Variants in TSHZ2 observed in about 807,000 individuals in gnomAD.
TSHZ2 encodes teashirt zinc finger homeobox 2, also known as teashirt homolog 2.
TSHZ2 carries 21 observed loss-of-function variants against 74.4 expected under a neutral mutation model. The ratio of observed to expected loss-of-function variants is 0.28; its 90% CI spans 0.20 to 0.41. The LOEUF (loss-of-function observed/expected upper bound fraction) is 0.41. Ranked by LOEUF, TSHZ2 falls within the 10% of genes least tolerant of loss-of-function variation. The pLI is 1.00. For missense variants in TSHZ2, 1,244 were observed against 1,293.5 expected, an observed-to-expected ratio of 0.96 and a Z score of 0.59; for synonymous variants, 540 against 515.3, an observed-to-expected ratio of 1.05 and a Z score of -0.65.
intron 1 of TSHZ2, among the ~76,000 whole-genome samples, chr20:53,160,874 A>G (rs1257175815): frequency 6.6e-6 from 1 of 151,766 alleles, no homozygotes; most frequent in Non-Finnish European, 1.5e-5. Flanking sequence ...ATCTTCATCT[A>G]TATATTCCCT....
At chr20:53,430,638 TG>T (rs984420733) in intron 2 of TSHZ2, among the ~76,000 whole-genome samples, 2 of 151,752 alleles carry the variant, frequency 1.3e-5, no homozygotes, top group African/African-American at 4.8e-5. Flanking sequence ...AAGATTAACC[TG>T]GGCAACATAG....
chr20:53,344,143 T>C (rs879899693), intron 2 of TSHZ2, among the ~76,000 whole-genome samples: 1 of 152,174 alleles, frequency 6.6e-6, no homozygotes, highest in Non-Finnish European at 1.5e-5. Flanking sequence ...GACTCTAGGC[T>C]GCCTCCAAGC....
At chr20:53,185,616 T>C in intron 1 of TSHZ2, 1 of 1,535,222 alleles carries the variant, frequency 6.5e-7, no homozygotes, top group Non-Finnish European at 8.7e-7. Flanking sequence ...CAAGACTCCA[T>C]CTCAAAAAAA....
At chr20:53,355,794 A>G (rs1054705475) in intron 2 of TSHZ2, among the ~76,000 whole-genome samples, 6 of 151,780 alleles carry the variant, frequency 4.0e-5, no homozygotes, top group Admixed American at 6.6e-5. Flanking sequence ...AAACAAAAAG[A>G]AGGATGAAAG....
chr20:53,127,266 G>A (rs747172142), intron 1 of TSHZ2, among the ~76,000 whole-genome samples: 2 of 152,232 alleles, frequency 1.3e-5, no homozygotes, highest in Non-Finnish European at 2.9e-5. Flanking sequence ...GACAGAAAAG[G>A]ACGAAGCTCT....
At chr20:53,227,656 G>A (rs1007140559) in intron 1 of TSHZ2, among the ~76,000 whole-genome samples, 1 of 152,120 alleles carries the variant, frequency 6.6e-6, no homozygotes, top group Non-Finnish European at 1.5e-5. Flanking sequence ...AAACCCTTGT[G>A]TGTAATTCCA....
At chr20:53,440,046 T>C (rs1350279003) in intron 2 of TSHZ2, among the ~76,000 whole-genome samples, 1 of 152,010 alleles carries the variant, frequency 6.6e-6, no homozygotes, top group African/African-American at 2.4e-5. Flanking sequence ...AGGGATGCCA[T>C]TACATGAAAT....
At chr20:53,076,689 G>A (rs1985373020) in intron 1 of TSHZ2, among the ~76,000 whole-genome samples, 1 of 152,190 alleles carries the variant, frequency 6.6e-6, no homozygotes, top group South Asian at 2.1e-4. Context: ...GCCATGGAGT[G>A]GAGAACATTT....
chr20:53,217,939 C>T (rs910351282), intron 1 of TSHZ2, among the ~76,000 whole-genome samples: 2 of 152,190 alleles, frequency 1.3e-5, no homozygotes, highest in African/African-American at 4.8e-5. Context: ...GAGAGTCAGA[C>T]CTAGGCTTTC....
intron 1 of TSHZ2, among the ~76,000 whole-genome samples, chr20:53,091,833 C>T (rs1034159419): frequency 2.6e-5 from 4 of 152,074 alleles, no homozygotes; most frequent in Admixed American, 1.3e-4. Context: ...CACTAGAACC[C>T]AGAAGTTCAA....
intron 2 of TSHZ2, among the ~76,000 whole-genome samples, chr20:53,404,917 C>T (rs1348127988): frequency 6.6e-6 from 1 of 152,166 alleles, no homozygotes; most frequent in East Asian, 1.9e-4. Context: ...TATTATCTGA[C>T]TGCTTCTGTT....
chr20:53,427,230 G>GAC (rs1983687218), intron 2 of TSHZ2, among the ~76,000 whole-genome samples: 1 of 152,172 alleles, frequency 6.6e-6, no homozygotes, highest in South Asian at 2.1e-4. Context: ...CAAAGACAAA[G>GAC]ACACTCACAT....
At chr20:53,423,174 G>A (rs375732578) in intron 2 of TSHZ2, among the ~76,000 whole-genome samples, 11 of 152,130 alleles carry the variant, frequency 7.2e-5, no homozygotes, top group Admixed American at 2.6e-4. Flanking sequence ...TAAGGCAGGC[G>A]GATATCTTGA....
At chr20:53,215,193 G>A (rs946679314) in intron 1 of TSHZ2, among the ~76,000 whole-genome samples, 1 of 152,076 alleles carries the variant, frequency 6.6e-6, no homozygotes, top group Non-Finnish European at 1.5e-5. Flanking sequence ...ACAGCACTGA[G>A]CCCACTTTTC....
rs1334860105 is a variant in TSHZ2 at position 53,494,772 on chromosome 20, CA to C, written c.*7642del. 1.3e-5 allele frequency: 2 copies of C among 150,144 alleles called. No homozygotes were observed. The highest frequency in any genetic ancestry group is 2.4e-5 in the African/African-American group (1 of 40,842). 9.3% of individuals were successfully genotyped at this position (150,144 alleles called of 1,614,324 possible). ...GTTATATGGAGCCCCTGATTTCCAT[CA>C]AAAAGGTTTCTATAAGTATATTATT... On this transcript the variant is annotated 3_prime_UTR_variant, in exon 3 of 3. Coordinates refer to ENST00000371497, the MANE Select transcript of TSHZ2 (RefSeq NM_173485.6).
chr20:53,102,217 G>T (rs901958515), intron 1 of TSHZ2, among the ~76,000 whole-genome samples: 1 of 149,196 alleles, frequency 6.7e-6, no homozygotes, highest in African/African-American at 2.5e-5. Flanking sequence ...AACATCATCA[G>T]ATTTCCCCCA....
At chr20:53,116,709 A>C (rs758959803) in intron 1 of TSHZ2, among the ~76,000 whole-genome samples, 15 of 152,246 alleles carry the variant, frequency 9.9e-5, no homozygotes, top group Non-Finnish European at 8.8e-5. Flanking sequence ...TTGAGACCCT[A>C]TGTCCTCAGG....
At chr20:53,380,250 C>A (rs1331397841) in intron 2 of TSHZ2, among the ~76,000 whole-genome samples, 3 of 151,950 alleles carry the variant, frequency 2.0e-5, no homozygotes, top group African/African-American at 4.8e-5. Context: ...GGACTCCTAC[C>A]TGCAATAGAG....
chr20:53,473,421 T>C (rs960414761), intron 2 of TSHZ2, among the ~76,000 whole-genome samples: 1 of 140,610 alleles, frequency 7.1e-6, no homozygotes, highest in East Asian at 2.3e-4. Context: ...CGGCAGGGTA[T>C]TCCAACAGAC....
Sources: allele counts gnomAD v4.1 joint callset (sites outside exome capture counted in the v4.1 genomes callset), GRCh38; gene constraint gnomAD v4.1.1; transcripts MANE v1.5; gene names NCBI Gene and HGNC (gene_info 2026-07-23, HGNC 2026-07-21).